Variants in AVEN observed in about 807,000 individuals in gnomAD.
AVEN encodes the protein apoptosis and caspase activation inhibitor.
In AVEN, 41 loss-of-function variants were observed where a neutral mutation model predicts 38.1. The ratio of observed to expected loss-of-function variants is 1.08; its 90% CI spans 0.84 to 1.40. The LOEUF (loss-of-function observed/expected upper bound fraction) is 1.40, where lower values mean the gene tolerates loss of function less well. Among genes scored for constraint, AVEN ranks in the 40% most tolerant of loss-of-function variants. The pLI is 0.00. For missense variants in AVEN, 605 were observed against 438.8 expected (o/e 1.38, Z -3.38); for synonymous variants, 206 against 171.8 (o/e 1.20, Z -1.56).
At chr15:33,929,023 G>C (rs1307191298) in intron 2 of AVEN, among the ~76,000 whole-genome samples, 2 of 152,030 alleles carry the variant, frequency 1.3e-5, no homozygotes, top group Non-Finnish European at 2.9e-5. Context: ...CAAAGTGACA[G>C]TCATGTGGAA....
In AVEN at chr15:33,908,462, T is replaced by C. The variant is rs376259237; in HGVS notation, c.446-32467A>G. On this transcript the variant is annotated intron_variant, in intron 2 of 5. Transcript: ENST00000306730. ...TGTCACTGTTGGTACATTTATAGAG[T>C]ATAAAATCACTCTATAATTGCAAAT... Among the ~76,000 whole-genome samples the C allele has an allele frequency of 3.5e-5, 5 of 144,826 alleles. 2 individuals are homozygous for C. Among genetic ancestry groups the C allele is most frequent in the African/African-American group, 1.2e-4 (5 of 40,418 alleles).
downstream of AVEN, among the ~76,000 whole-genome samples, chr15:33,862,371 G>C (rs1364032426): frequency 5.8e-5 from 1 of 17,190 alleles, no homozygotes; most frequent in African/African-American, 3.0e-4. Context: ...TTTAGCACCA[G>C]CTAATTTTTT....
rs561120192 is a variant in AVEN, at chr15:34,068,640, T to C, written n.785-1829A>G. Reference sequence around the variant, plus strand: ...TCCACACTCAAATTTTACTAGTTTTTCTATTTGGGAAACTAATATATGTTC... The same window carrying C: ...TCCACACTCAAATTTTACTAGTTTTCCTATTTGGGAAACTAATATATGTTC... On this transcript the variant is annotated intron_variant and non_coding_transcript_variant, in intron 2 of 11. Coordinates refer to the AVEN transcript ENST00000675287. Among the ~76,000 whole-genome samples the C allele has an allele frequency of 8.5e-5, 13 of 152,328 alleles. No individual in the cohort carries two copies. The East Asian group carries it at 1.3e-3, about 16-fold the overall frequency.
rs1245404441 is a variant in AVEN at position 34,038,776 on chromosome 15, T to C, written c.267+4A>G. 2 of 1,171,462 alleles carry C rather than the reference T, an allele frequency of 1.7e-6. No homozygotes were observed. Among genetic ancestry groups the C allele is most frequent in the Non-Finnish European group, 2.1e-6 (2 of 951,326 alleles). 72.6% of individuals were successfully genotyped at this position (1,171,462 alleles called of 1,614,324 possible). ...TCCCAGCCCCACCAGCCGTCGCCTC[T>C]TACCGGCGCGCTGGCCCCTGCGCCC... On this transcript the variant is annotated splice_donor_region_variant and intron_variant, in intron 1 of 5. Coordinates refer to ENST00000306730, the MANE Select transcript of AVEN (RefSeq NM_020371.3).
intron 2 of AVEN, among the ~76,000 whole-genome samples, chr15:33,967,897 C>T (rs532689828): frequency 6.8e-6 from 1 of 147,602 alleles, no homozygotes; most frequent in South Asian, 2.1e-4. Flanking sequence ...AGCAACAAAA[C>T]GCATATGCCC....
At chr15:33,993,966 T>C (rs1896832177) in intron 2 of AVEN, among the ~76,000 whole-genome samples, 1 of 152,242 alleles carries the variant, frequency 6.6e-6, no homozygotes, top group Non-Finnish European at 1.5e-5. Flanking sequence ...ATTCCACTAT[T>C]AATGAATATT....
chr15:33,857,473 A>C (rs1013703948), downstream of AVEN, among the ~76,000 whole-genome samples: 6 of 151,948 alleles, frequency 3.9e-5, no homozygotes, highest in African/African-American at 9.7e-5. Context: ...TCCATCTCCA[A>C]ATACAGTCAC....
intron 2 of AVEN, among the ~76,000 whole-genome samples, chr15:33,974,154 C>T (rs1306215449): frequency 6.6e-5 from 10 of 152,130 alleles, no homozygotes; most frequent in Admixed American, 5.9e-4. Flanking sequence ...TCTAGAATTT[C>T]ATCGATAATC....
chr15:33,863,990 T>A (rs1889490129), downstream of AVEN: 1 of 577,278 alleles, frequency 1.7e-6, no homozygotes, highest in Non-Finnish European at 3.1e-6. Flanking sequence ...TGATGGTTTG[T>A]GTCCTTATGC....
At chr15:33,931,286 C>T (rs1356947590) in intron 2 of AVEN, among the ~76,000 whole-genome samples, 1 of 150,862 alleles carries the variant, frequency 6.6e-6, no homozygotes, top group African/African-American at 2.4e-5. Flanking sequence ...AACACATAAC[C>T]ATCAAATTAA....
chr15:33,863,035 GTCT>G, downstream of AVEN, among the ~76,000 whole-genome samples: 1 of 152,318 alleles, frequency 6.6e-6, no homozygotes, highest in East Asian at 1.9e-4. Context: ...ATGGCCACGT[GTCT>G]GTACCCATGG....
At position 34,056,645 on chromosome 15, in the gene AVEN, G is replaced by A. The variant is rs563232879; in HGVS notation, n.1637+6277C>T. On this transcript the variant is annotated intron_variant and non_coding_transcript_variant, in intron 5 of 11. Coordinates refer to the AVEN transcript ENST00000675287. ...ATGAGCAGACTCTGAGGAAGACTGT[G>A]TTAGCCTCGGCTCTCCTCAAGGTTG... Among the ~76,000 whole-genome samples, 11 of 152,322 alleles carry A rather than the reference G, an allele frequency of 7.2e-5. No homozygotes were observed. The South Asian group carries it at 8.3e-4, about 11-fold the overall frequency.
rs748655667 is a variant in AVEN at position 34,063,715 on chromosome 15, C to T, written n.1127-283G>A. 31 of 1,614,182 alleles carry T rather than the reference C, an allele frequency of 1.9e-5. No individual in the cohort carries two copies. Among genetic ancestry groups the T allele is most frequent in the Middle Eastern group, 3.3e-4 (2 of 6,062 alleles). On this transcript the variant is annotated intron_variant and non_coding_transcript_variant, in intron 4 of 11. Transcript: ENST00000675287. The surrounding 1 kb of genome is among the most constrained non-coding windows in gnomAD (Gnocchi z 4.1). The stretch of plus-strand genomic sequence containing the variant: ...TACAAGAGTCAGGGTAAGGAAAGCC[C>T]AGGGGAAGAATTCAGTGCTGAAGAG...
At chr15:33,977,339 A>T (rs1289296063) in intron 2 of AVEN, among the ~76,000 whole-genome samples, 1 of 152,224 alleles carries the variant, frequency 6.6e-6, no homozygotes, top group Non-Finnish European at 1.5e-5. Context: ...TTAGCACTTC[A>T]ACAAAGCAGA....
At chr15:33,887,940 CCAA>C (rs1891771064) in intron 2 of AVEN, among the ~76,000 whole-genome samples, 3 of 152,076 alleles carry the variant, frequency 2.0e-5, no homozygotes, top group South Asian at 4.2e-4. Flanking sequence ...AGTTGAAAGC[CCAA>C]CAACACCATC....
chr15:34,014,110 C>T (rs1897760017), intron 1 of AVEN, among the ~76,000 whole-genome samples: 1 of 152,164 alleles, frequency 6.6e-6, no homozygotes, highest in Non-Finnish European at 1.5e-5. Context: ...CGCCTGCAAT[C>T]CCAGCACTCT....
At chr15:33,926,492 C>T (rs2153049304) in intron 2 of AVEN, among the ~76,000 whole-genome samples, 1 of 152,226 alleles carries the variant, frequency 6.6e-6, no homozygotes, top group Non-Finnish European at 1.5e-5. Flanking sequence ...TTTAGAATCT[C>T]CGTGCCTCAG....
intron 5 of AVEN, among the ~76,000 whole-genome samples, chr15:34,055,031 A>G (rs1022880192): frequency 1.3e-5 from 2 of 152,014 alleles, no homozygotes; most frequent in Non-Finnish European, 2.9e-5. Flanking sequence ...CATCTCTACT[A>G]AAAATACAAA....
In AVEN at chr15:34,004,043, T is replaced by A. The variant is rs561661183; in HGVS notation, c.268-834A>T. ...GGTACTCTCTTAGCACTCTCCAGGC[T>A]CAATTTCTACAACTTGCCTGTGTGA... On this transcript the variant is annotated intron_variant, in intron 1 of 5. Transcript: ENST00000306730. Among the ~76,000 whole-genome samples the A allele has an allele frequency of 4.0e-4, 61 of 152,316 alleles. No homozygotes were observed. In the South Asian group the frequency reaches 0.012, roughly 31 times the overall value.
Sources: gnomAD v4.1 joint callset for allele counts (sites outside exome capture counted in the v4.1 genomes callset) on GRCh38, gnomAD v4.1.1 for gene constraint, Gnocchi (gnomAD v3.1) non-coding constraint, MANE v1.5 for transcripts, NCBI Gene and HGNC (gene_info 2026-07-23, HGNC 2026-07-21) for gene names.